PPP1R12B: variants seen among roughly 807,000 people sequenced by gnomAD.
PPP1R12B encodes myosin phosphatase target subunit 2.
Under a neutral mutation model 126.1 loss-of-function variants are expected in PPP1R12B, and 76 were observed. The observed-to-expected ratio is 0.60, with a 90% CI of 0.50 to 0.73. The LOEUF is 0.73. Ranked by LOEUF, PPP1R12B falls within the 30% of genes least tolerant of loss-of-function variation. The probability of loss-of-function intolerance (pLI) is 0.00; values close to 1 mark genes in which losing one functional copy is unlikely to be tolerated. For missense variants in PPP1R12B, 1,052 were observed against 1,205.1 expected (o/e 0.87, Z 1.88); for synonymous variants, 356 against 434.7 (o/e 0.82, Z 2.25).
chr1:202,583,718 C>T lies in PPP1R12B; in HGVS notation c.*3158C>T, dbSNP rs1689668790. The T allele has an allele frequency of 6.6e-6, 1 of 152,106 alleles. No individual in the cohort carries two copies. The highest frequency in any genetic ancestry group is 1.5e-5 in the Non-Finnish European group (1 of 68,036). 9.4% of individuals were successfully genotyped at this position (152,106 alleles called of 1,614,324 possible). On this transcript the variant is annotated 3_prime_UTR_variant, in exon 24 of 24. Coordinates refer to ENST00000608999, the MANE Select transcript of PPP1R12B (RefSeq NM_002481.4). ...GCTTGGACAGGTACCTACTGCTGGCCTCTTCAGTGGCCACAATCCTCAGTC... is the reference window on the plus strand; with the variant it reads ...GCTTGGACAGGTACCTACTGCTGGCTTCTTCAGTGGCCACAATCCTCAGTC...
chr1:202,402,356 G>A (rs1003093288), intron 1 of PPP1R12B, among the ~76,000 whole-genome samples: 5 of 152,172 alleles, frequency 3.3e-5, no homozygotes, highest in African/African-American at 1.2e-4. Context: ...GTGATCTCAA[G>A]GGATGTTTGT....
chr1:202,373,896 G>A (rs909516940), intron 1 of PPP1R12B, among the ~76,000 whole-genome samples: 2 of 147,542 alleles, frequency 1.4e-5, no homozygotes, highest in African/African-American at 5.4e-5. Flanking sequence ...CCTTGGTCAA[G>A]AAATAAAATA....
At position 202,348,986 on chromosome 1, in the gene PPP1R12B, G is replaced by T. The variant is rs1381365325; in HGVS notation, c.135G>T (p.Pro45=). 2 of 1,604,960 alleles carry T rather than the reference G, an allele frequency of 1.2e-6. No individual in the cohort carries two copies. The highest frequency in any genetic ancestry group is 1.7e-5 in the Admixed American group (1 of 57,802). The change falls in exon 1 of 24, where the codon CCG becomes CCT. Residue 45 remains proline, a synonymous_variant. Coordinates refer to ENST00000608999, the MANE Select transcript of PPP1R12B (RefSeq NM_002481.4). The part of the protein sequence containing the change: ...PAERRGAGRQ[P]LTRRGSPRVR... ...AGCGACGAGGCGCGGGGCGGCAGCC[G>T]CTGACCAGGCGCGGGAGCCCCAGGG...
At chr1:202,381,842 A>C (rs767349770) in intron 1 of PPP1R12B, among the ~76,000 whole-genome samples, 8 of 152,228 alleles carry the variant, frequency 5.3e-5, no homozygotes, top group Non-Finnish European at 8.8e-5. Flanking sequence ...GGCAACAGTA[A>C]GTTAGTAAGA....
rs1048727460 is a variant in PPP1R12B at position 202,586,003 on chromosome 1, G to T, written c.*5443G>T. On this transcript the variant is annotated 3_prime_UTR_variant, in exon 24 of 24. Transcript: ENST00000608999. ...TCTGCTTAGCACCGTCTGGTTCATT[G>T]TCTTGAACTCTGCCTTACAGCAGCA... 1 of 152,190 alleles carries T rather than the reference G, an allele frequency of 6.6e-6. No homozygotes were observed. The highest frequency in any genetic ancestry group is 2.4e-5 in the African/African-American group (1 of 41,416). 9.4% of individuals were successfully genotyped at this position (152,190 alleles called of 1,614,324 possible). A position where few individuals can be genotyped will look rare whatever the true frequency, so the allele number is the denominator to read the frequency against.
rs1361979033 is a variant in PPP1R12B, at chr1:202,586,647, AAC to A, written c.*6091_*6092del. The A allele has an allele frequency of 6.6e-6, 1 of 152,242 alleles. No homozygotes were observed. Among genetic ancestry groups the A allele is most frequent in the Non-Finnish European group, 1.5e-5 (1 of 68,044 alleles). 9.4% of individuals were successfully genotyped at this position (152,242 alleles called of 1,614,324 possible). A position where few individuals can be genotyped will look rare whatever the true frequency, so the allele number is the denominator to read the frequency against. On this transcript the variant is annotated 3_prime_UTR_variant, in exon 24 of 24. Coordinates refer to ENST00000608999, the MANE Select transcript of PPP1R12B (RefSeq NM_002481.4). ...AGGTGATTTCTGAGGGCTGAGAAAAAACACAGAATCTTGGCCAGCAGCCAGCA... is the reference window on the plus strand; with the variant it reads ...AGGTGATTTCTGAGGGCTGAGAAAAAACAGAATCTTGGCCAGCAGCCAGCA...
intron 18 of PPP1R12B, among the ~76,000 whole-genome samples, chr1:202,523,290 G>A (rs6427952): frequency 0.43 from 65,980 of 151,984 alleles, 15,671 homozygotes; most frequent in East Asian, 0.71. Context: ...AATAAAGTAT[G>A]TGTTAGACAC....
At chr1:202,562,683 T>G in intron 19 of PPP1R12B, 95 bp from the exon 20 acceptor site, 1 of 1,368,370 alleles carries the variant, frequency 7.3e-7, no homozygotes, top group Non-Finnish European at 1.0e-6. Context: ...TCCGAAATAC[T>G]TCTTAGAAAA....
At chr1:202,392,442 A>C (rs1434002551) in intron 1 of PPP1R12B, among the ~76,000 whole-genome samples, 2 of 152,068 alleles carry the variant, frequency 1.3e-5, no homozygotes, top group Non-Finnish European at 2.9e-5. Context: ...GTGGGAAAGT[A>C]GGTTGGTGGT....
At chr1:202,398,274 A>G (rs1665300953) in intron 1 of PPP1R12B, among the ~76,000 whole-genome samples, 2 of 152,194 alleles carry the variant, frequency 1.3e-5, no homozygotes, top group South Asian at 4.1e-4. Flanking sequence ...ACGAAAACCC[A>G]AGGACAAAGT....
intron 10 of PPP1R12B, chr1:202,439,383 A>T: frequency 3.9e-6 from 5 of 1,278,418 alleles, no homozygotes; most frequent in Non-Finnish European, 5.7e-6. Flanking sequence ...GCTGGTGAAG[A>T]AGCACGCGGC....
chr1:202,448,943 G>C, intron 12 of PPP1R12B, 46 bp from the exon 13 acceptor site: 5 of 1,576,348 alleles, frequency 3.2e-6, no homozygotes, highest in Non-Finnish European at 2.6e-6. Context: ...TTGTTGTATA[G>C]CATGCCTAAC....
chr1:202,392,596 A>G (rs1396664203), intron 1 of PPP1R12B, among the ~76,000 whole-genome samples: 1 of 150,220 alleles, frequency 6.7e-6, no homozygotes, highest in East Asian at 2.0e-4. Flanking sequence ...ATCTTGTCTC[A>G]CTGCAACCTC....
At chr1:202,477,259 A>G (rs1676788491) in intron 13 of PPP1R12B, among the ~76,000 whole-genome samples, 1 of 152,186 alleles carries the variant, frequency 6.6e-6, no homozygotes, top group African/African-American at 2.4e-5. Context: ...AGTGCCTTAC[A>G]TGGGTTTGCA....
intron 17 of PPP1R12B, among the ~76,000 whole-genome samples, chr1:202,496,539 G>A (rs1679572747): frequency 6.6e-6 from 1 of 152,172 alleles, no homozygotes; most frequent in Admixed American, 6.5e-5. Flanking sequence ...TTGTCTGTCT[G>A]TCTTAAAGAT....
chr1:202,456,526 A>G (rs1188233932), intron 13 of PPP1R12B, among the ~76,000 whole-genome samples: 1 of 152,230 alleles, frequency 6.6e-6, no homozygotes. Flanking sequence ...CTGGACACTC[A>G]GATTTTAATG....
In PPP1R12B at chr1:202,422,521, C is replaced by T. The variant is rs1558204436; in HGVS notation, c.423-99C>T. ...ATCTTAACTGAGACCATATTTTAAA[C>T]TCAAAATAGAGACTTCGCTGTGTAT... On this transcript the variant is annotated intron_variant, in intron 2 of 23. Transcript: ENST00000608999. 2.0e-5 allele frequency: 22 copies of T among 1,075,926 alleles called. No homozygotes were observed. In the South Asian group the frequency reaches 2.8e-4, roughly 13 times the overall value. 66.6% of individuals were successfully genotyped at this position (1,075,926 alleles called of 1,614,324 possible).
At chr1:202,406,047 G>A (rs1305607201) in intron 1 of PPP1R12B, among the ~76,000 whole-genome samples, 1 of 152,176 alleles carries the variant, frequency 6.6e-6, no homozygotes, top group East Asian at 1.9e-4. Context: ...TCCCAGGATT[G>A]TCTTCCTTCT....
At chr1:202,481,574 CTAT>C (rs1446571332) in intron 13 of PPP1R12B, among the ~76,000 whole-genome samples, 3 of 151,572 alleles carry the variant, frequency 2.0e-5, no homozygotes, top group Non-Finnish European at 4.4e-5. Context: ...TGTATTAGGG[CTAT>C]TATTTTCTTT....
Sources: gnomAD v4.1 joint callset for allele counts (sites outside exome capture counted in the v4.1 genomes callset) on GRCh38, gnomAD v4.1.1 for gene constraint, MANE v1.5 for transcripts, NCBI Gene and HGNC (gene_info 2026-07-23, HGNC 2026-07-21) for gene names.